Variants in DOK1 observed in about 807,000 individuals in gnomAD.
DOK1 encodes docking protein 1.
Under a neutral mutation model 24.0 loss-of-function variants are expected in DOK1, and 12 were observed. The ratio of observed to expected loss-of-function variants is 0.50; its 90% CI spans 0.32 to 0.81. The LOEUF is 0.81. Among genes scored for constraint, DOK1 ranks in the 30% least tolerant of loss-of-function variants. The pLI is 0.03. For synonymous variants in DOK1, 250 were observed against 260.9 expected, an observed-to-expected ratio of 0.96 and a Z score of 0.40; for missense variants, 591 against 620.7, an observed-to-expected ratio of 0.95 and a Z score of 0.51.
In DOK1 at chr2:74,555,915, T is replaced by A; in HGVS notation, c.476T>A (p.Val159Glu). 6.2e-7 allele frequency: 1 copy of A among 1,609,992 alleles called. No homozygotes were observed. Among genetic ancestry groups the A allele is most frequent in the Non-Finnish European group, 8.5e-7 (1 of 1,178,032 alleles). Residue 159 changes from valine to glutamate, a missense_variant, in exon 4 of 5, where the codon GTG (valine) becomes GAG (glutamate). Coordinates refer to ENST00000233668, the MANE Select transcript of DOK1 (RefSeq NM_001381.5). This position sits in a 1 kb window ranked among gnomAD's most constrained non-coding sequence, Gnocchi z 6.1. ...TWEGSQFWVT[V>E]QRTEAAERCG... ...CCAGGATCCCAATTCTGGGTAACGG[T>A]GCAGAGGACTGAGGCCGCCGAGCGC... is the stretch of plus-strand genomic sequence containing the variant.
rs1677419056 is a variant in DOK1 at position 74,555,887 on chromosome 2, C to T, written c.455-7C>T. Reference sequence around the variant, plus strand: ...CCCGCAGCTGTCTAATCGTGTATGCCTTCCAGGATCCCAATTCTGGGTAAC... The same window carrying T: ...CCCGCAGCTGTCTAATCGTGTATGCTTTCCAGGATCCCAATTCTGGGTAAC... On this transcript the variant is annotated splice_polypyrimidine_tract_variant and splice_region_variant and intron_variant, in intron 3 of 4. Coordinates refer to ENST00000233668, the MANE Select transcript of DOK1 (RefSeq NM_001381.5). The surrounding 1 kb of genome is among the most constrained non-coding windows in gnomAD (Gnocchi z 6.1). 2.5e-6 allele frequency: 4 copies of T among 1,600,062 alleles called. No homozygotes were observed. Among genetic ancestry groups the T allele is most frequent in the Non-Finnish European group, 2.6e-6 (3 of 1,172,604 alleles).
chr2:74,555,279 C>T lies in DOK1; in HGVS notation c.186C>T (p.Cys62=). 6.2e-7 allele frequency: 1 copy of T among 1,614,092 alleles called. No homozygotes were observed. The highest frequency in any genetic ancestry group is 8.5e-7 in the Non-Finnish European group (1 of 1,180,020). The change falls in exon 2 of 5, where the codon TGC becomes TGT. Residue 62 remains cysteine, a synonymous_variant. Transcript: ENST00000233668. The surrounding 1 kb of genome is among the most constrained non-coding windows in gnomAD (Gnocchi z 6.1). The part of the protein sequence containing the change: ...GGRGSSRRLD[C]KVIRLAECVS... Reference sequence around the variant, plus strand: ...GAGGGAGCTCGCGCCGCCTGGACTGCAAAGTGATCCGTCTGGCTGAGTGTG... The same window carrying T: ...GAGGGAGCTCGCGCCGCCTGGACTGTAAAGTGATCCGTCTGGCTGAGTGTG...
At chr2:74,550,414 T>C (rs1249027063), upstream of DOK1, 3 of 1,538,512 alleles carry the variant, frequency 1.9e-6, no homozygotes, top group African/African-American at 4.1e-5. Flanking sequence ...AATGGGGATG[T>C]AGGGAAGAGT....
chr2:74,555,833 TG>T lies in DOK1; in HGVS notation c.455-58del. ...TTGGACACTATGCTCATGAGTCCTC[TG>T]GGTCCCCACTGCTGCCCCCGTCCCT... On this transcript the variant is annotated intron_variant, in intron 3 of 4. Coordinates refer to ENST00000233668, the MANE Select transcript of DOK1 (RefSeq NM_001381.5). The surrounding 1 kb of genome is among the most constrained non-coding windows in gnomAD (Gnocchi z 6.1). 1 of 1,582,598 alleles carries T rather than the reference TG, an allele frequency of 6.3e-7. No individual in the cohort carries two copies. Among genetic ancestry groups the T allele is most frequent in the South Asian group, 1.2e-5 (1 of 86,638 alleles).
chr2:74,556,692 GAGCATGCGCAGC>G lies in DOK1; in HGVS notation c.1029_1040del (p.His343_Gln346del). ...GAAACCTCTCTATTGGGACTTGTAT[GAGCATGCGCAGC>G]AGCAGTTGCTGAAGGCCAAGCTGAC... On this transcript the variant is annotated inframe_deletion, in exon 5 of 5. Transcript: ENST00000233668. This position sits in a 1 kb window ranked among gnomAD's most constrained non-coding sequence, Gnocchi z 4.1. The G allele has an allele frequency of 6.2e-7, 1 of 1,614,250 alleles. No homozygotes were observed. The highest frequency in any genetic ancestry group is 1.3e-5 in the African/African-American group (1 of 75,068).
At position 74,557,174 on chromosome 2, in the gene DOK1, A is replaced by G; in HGVS notation, c.*60A>G. 1 of 1,526,894 alleles carries G rather than the reference A, an allele frequency of 6.5e-7. No individual in the cohort carries two copies. The highest frequency in any genetic ancestry group is 1.2e-5 in the South Asian group (1 of 80,352). 94.6% of individuals were successfully genotyped at this position (1,526,894 alleles called of 1,614,324 possible). On this transcript the variant is annotated 3_prime_UTR_variant, in exon 5 of 5. Coordinates refer to ENST00000233668, the MANE Select transcript of DOK1 (RefSeq NM_001381.5). ...CATGGGGAGGTGGCACTAGGGATCAAAGAAGATGGTTAGAACCAGCAGAAG... is the reference window on the plus strand; with the variant it reads ...CATGGGGAGGTGGCACTAGGGATCAGAGAAGATGGTTAGAACCAGCAGAAG...
At chr2:74,554,413 T>C, upstream of DOK1, 1 of 311,842 alleles carries the variant, frequency 3.2e-6, no homozygotes, top group Non-Finnish European at 6.0e-6. The surrounding 1 kb of genome is among the most constrained non-coding windows in gnomAD (Gnocchi z 4.9). Flanking sequence ...GCTTTCGGGG[T>C]GATGTCATGG....
In DOK1 at chr2:74,555,509, C is replaced by T. The variant is rs1677380381; in HGVS notation, c.360+56C>T. ...CAGTTACAGAGGCAGAGAAATGGGG[C>T]TGCCTCAGACCGACCCCCGCTCCCC... On this transcript the variant is annotated intron_variant, in intron 2 of 4. Transcript: ENST00000233668. The surrounding 1 kb of genome is among the most constrained non-coding windows in gnomAD (Gnocchi z 6.1). 1.2e-6 allele frequency: 2 copies of T among 1,611,416 alleles called. No homozygotes were observed. Among genetic ancestry groups the T allele is most frequent in the Non-Finnish European group, 1.7e-6 (2 of 1,179,156 alleles).
chr2:74,549,267 G>A lies in DOK1; in HGVS notation c.-358+95G>A. 7.6e-7 allele frequency: 1 copy of A among 1,315,482 alleles called. No individual in the cohort carries two copies. Among genetic ancestry groups the A allele is most frequent in the South Asian group, 1.7e-5 (1 of 58,682 alleles). 81.5% of individuals were successfully genotyped at this position (1,315,482 alleles called of 1,614,324 possible). On this transcript the variant is annotated intron_variant, in intron 1 of 4. Transcript: ENST00000409429. The surrounding 1 kb of genome is among the most constrained non-coding windows in gnomAD (Gnocchi z 5.3). ...TATTTTCCCGCGCGTCCCGACCCCC[G>A]GGTCCTCCCGTGCCCCGGACCTGCT...
rs1168137955 is a variant in DOK1, at chr2:74,556,150, G to A, written c.639+72G>A. On this transcript the variant is annotated intron_variant, in intron 4 of 4. Transcript: ENST00000233668. This position sits in a 1 kb window ranked among gnomAD's most constrained non-coding sequence, Gnocchi z 4.1. The stretch of plus-strand genomic sequence containing the variant: ...AGGGGTGGGGCAGGACAGAAAGTGG[G>A]AAGCTCTGACCTTTGGATCCCCCTT... 4 of 1,533,000 alleles carry A rather than the reference G, an allele frequency of 2.6e-6. No homozygotes were observed. In the East Asian group the frequency reaches 6.8e-5, roughly 26 times the overall value. The allele number at this position is 1,533,000 out of a possible 1,614,324, so 95.0% of individuals were successfully genotyped here.
At chr2:74,553,980 A>AC (rs996075314), upstream of DOK1, 4 of 144,718 alleles carry the variant, frequency 2.8e-5, no homozygotes, top group African/African-American at 1.0e-4. Flanking sequence ...GGGAGACTGG[A>AC]CCCCCCTCTC....
At chr2:74,550,393 G>C (rs1365278829), upstream of DOK1, 1 of 1,591,174 alleles carries the variant, frequency 6.3e-7, no homozygotes, top group East Asian at 2.2e-5. Flanking sequence ...GGGGAGGGAG[G>C]ATGGGGGAGT....
In DOK1 at chr2:74,549,650, A is replaced by G; in HGVS notation, c.-358+478A>G. ...CCTTTCATGTGTCCCGCCGCCCTTAAGGAACCCTGCTTGGTGTGCCTGCTG... is the reference window on the plus strand; with the variant it reads ...CCTTTCATGTGTCCCGCCGCCCTTAGGGAACCCTGCTTGGTGTGCCTGCTG... On this transcript the variant is annotated intron_variant, in intron 1 of 4. Transcript: ENST00000409429. This position sits in a 1 kb window ranked among gnomAD's most constrained non-coding sequence, Gnocchi z 5.3. 5.9e-6 allele frequency: 9 copies of G among 1,520,690 alleles called. No individual in the cohort carries two copies. Among genetic ancestry groups the G allele is most frequent in the Non-Finnish European group, 8.0e-6 (9 of 1,126,370 alleles). 94.2% of individuals were successfully genotyped at this position (1,520,690 alleles called of 1,614,324 possible).
upstream of DOK1, chr2:74,553,037 A>G (rs1677124418): frequency 5.1e-6 from 1 of 196,108 alleles, no homozygotes; most frequent in Non-Finnish European, 1.0e-5. Context: ...CACAGAGGAG[A>G]GAGACAACGG....
chr2:74,554,827 A>T lies in DOK1; in HGVS notation c.60+13A>T. The T allele has an allele frequency of 1.2e-6, 2 of 1,613,376 alleles. No individual in the cohort carries two copies. Among genetic ancestry groups the T allele is most frequent in the Non-Finnish European group, 1.7e-6 (2 of 1,179,714 alleles). On this transcript the variant is annotated intron_variant, in intron 1 of 4. Transcript: ENST00000233668. The surrounding 1 kb of genome is among the most constrained non-coding windows in gnomAD (Gnocchi z 4.9). The stretch of plus-strand genomic sequence containing the variant: ...CTTTGGGACCAAGGTAGTCTGGCGC[A>T]TGGATGCCGAACCTTATCCGGGCTA...
Position 74,556,105 on chromosome 2 carries a change from C to T in DOK1, c.639+27C>T. On this transcript the variant is annotated intron_variant, in intron 4 of 4. Coordinates refer to ENST00000233668, the MANE Select transcript of DOK1 (RefSeq NM_001381.5). This position sits in a 1 kb window ranked among gnomAD's most constrained non-coding sequence, Gnocchi z 4.1. ...TGCAGGGGCTGTCCGGGAGGGCTTCCTGGGTTGGGCAGCTGTGGGAGGGGT... is the reference window on the plus strand; with the variant it reads ...TGCAGGGGCTGTCCGGGAGGGCTTCTTGGGTTGGGCAGCTGTGGGAGGGGT... 1 of 1,553,450 alleles carries T rather than the reference C, an allele frequency of 6.4e-7. No homozygotes were observed. The highest frequency in any genetic ancestry group is 8.7e-7 in the Non-Finnish European group (1 of 1,147,680).
chr2:74,556,991 C>T lies in DOK1; in HGVS notation c.1323C>T (p.Ile441=), dbSNP rs377495776. Reference sequence around the variant, plus strand: ...CTGGTACTGCAACTGGCAGTGGCATCAAAAGCCACAACTCAGCCCTGTACA... The same window carrying T: ...CTGGTACTGCAACTGGCAGTGGCATTAAAAGCCACAACTCAGCCCTGTACA... The part of the protein sequence containing the change: ...PEPGTATGSG[I]KSHNSALYSQ... The change falls in exon 5 of 5, where the codon ATC becomes ATT. Residue 441 remains isoleucine, a synonymous_variant. Transcript: ENST00000233668. This position sits in a 1 kb window ranked among gnomAD's most constrained non-coding sequence, Gnocchi z 4.1. 2.5e-6 allele frequency: 4 copies of T among 1,614,082 alleles called. No individual in the cohort carries two copies. Among genetic ancestry groups the T allele is most frequent in the Admixed American group, 3.3e-5 (2 of 60,008 alleles).
chr2:74,551,763 G>A (rs967641760), upstream of DOK1, among the ~76,000 whole-genome samples: 5 of 152,368 alleles, frequency 3.3e-5, no homozygotes, highest in South Asian at 8.3e-4. Context: ...TCCCACTGTG[G>A]GTTCATACCA....
At chr2:74,552,441 T>A (rs751949995), upstream of DOK1, 8 of 1,613,756 alleles carry the variant, frequency 5.0e-6, no homozygotes, top group Non-Finnish European at 6.8e-6. Context: ...GGTGCCCCAT[T>A]CACCAGCTCG....
Sources: allele counts gnomAD v4.1 joint callset (sites outside exome capture counted in the v4.1 genomes callset), GRCh38; gene constraint gnomAD v4.1.1; non-coding constraint Gnocchi (gnomAD v3.1); transcripts MANE v1.5; gene names NCBI Gene and HGNC (gene_info 2026-07-23, HGNC 2026-07-21).